The following SLC9C2 variants were observed in gnomAD, a reference collection of about 807,000 sequenced individuals.
The protein encoded by SLC9C2 is sodium/hydrogen exchanger 11.
In SLC9C2, 75 loss-of-function variants were observed where a neutral mutation model predicts 140.2. The observed-to-expected ratio is 0.53, with a 90% CI of 0.44 to 0.65. SLC9C2 has a LOEUF of 0.65. Ranked by LOEUF, SLC9C2 falls within the 30% of genes least tolerant of loss-of-function variation. The pLI is 0.00. For missense variants in SLC9C2, 1,074 were observed against 1,331.8 expected (o/e 0.81, Z 3.01); for synonymous variants, 375 against 420.9 (o/e 0.89, Z 1.34).
chr1:173,531,892 C>T (rs980142452), intron 17 of SLC9C2, among the ~76,000 whole-genome samples: 5 of 152,156 alleles, frequency 3.3e-5, no homozygotes, highest in Non-Finnish European at 7.3e-5. Flanking sequence ...AAACTCCTAC[C>T]TTCCATTTTA....
chr1:173,525,895 T>C (rs1661162926), intron 19 of SLC9C2, among the ~76,000 whole-genome samples: 1 of 152,226 alleles, frequency 6.6e-6, no homozygotes, highest in Non-Finnish European at 1.5e-5. Context: ...TCTGAGATAA[T>C]GCCAAAATAT....
intron 23 of SLC9C2, among the ~76,000 whole-genome samples, chr1:173,515,078 C>T (rs927047623): frequency 1.3e-5 from 2 of 152,088 alleles, no homozygotes; most frequent in African/African-American, 2.4e-5. Flanking sequence ...TCTGGCTGCC[C>T]TTAACATTTT....
At chr1:173,563,147 T>G (rs1367992120) in intron 9 of SLC9C2, among the ~76,000 whole-genome samples, 1 of 151,446 alleles carries the variant, frequency 6.6e-6, no homozygotes, top group African/African-American at 2.4e-5. Flanking sequence ...AACAAGTATC[T>G]GAGGAACTTT....
rs546802529 is a variant in SLC9C2 at position 173,573,420 on chromosome 1, C to T, written c.903-95G>A. 5 of 954,910 alleles carry T rather than the reference C, an allele frequency of 5.2e-6. No homozygotes were observed. The Admixed American group carries it at 1.7e-4, about 32-fold the overall frequency. The allele number at this position is 954,910 out of a possible 1,614,324, so 59.2% of individuals were successfully genotyped here. The stretch of plus-strand genomic sequence containing the variant: ...AATCATATATCTTATATCTACCATG[C>T]TGTCTTAGCAGAGGCCCTTGCCTTC... On this transcript the variant is annotated intron_variant, in intron 8 of 27. Transcript: ENST00000367714.
chr1:173,545,001 T>C (rs1662738413), intron 13 of SLC9C2, among the ~76,000 whole-genome samples: 1 of 152,014 alleles, frequency 6.6e-6, no homozygotes, highest in South Asian at 2.1e-4. Flanking sequence ...GAACTTAAAG[T>C]ATAATTTAAA....
At chr1:173,544,437 G>A (rs1379641559) in intron 13 of SLC9C2, among the ~76,000 whole-genome samples, 10 of 152,178 alleles carry the variant, frequency 6.6e-5, no homozygotes, top group African/African-American at 2.2e-4. Flanking sequence ...AACCATTGTG[G>A]AAGACAGTGT....
At chr1:173,597,764 G>T in intron 4 of SLC9C2, 140 bp downstream of exon 4, 2 of 800,390 alleles carry the variant, frequency 2.5e-6, no homozygotes, top group Non-Finnish European at 3.7e-6. Context: ...TTTTTAGTTA[G>T]TAGTTCTATA....
chr1:173,548,495 A>G lies in SLC9C2; in HGVS notation c.1355T>C (p.Ile452Thr). Residue 452 changes from isoleucine to threonine, a missense_variant, in exon 12 of 28, where the codon ATA (isoleucine) becomes ACA (threonine). Transcript: ENST00000367714. Reference protein sequence around the residue: ...QMILQNATQHIQEIVQNTITL... With the variant: ...QMILQNATQHTQEIVQNTITL... ...TATTGTGTTCTGTACTATCTCCTGT[A>G]TGTGCTGAGTGGCATTTTGCAAGAT... 6.2e-7 allele frequency: 1 copy of G among 1,613,874 alleles called. No homozygotes were observed. The highest frequency in any genetic ancestry group is 8.5e-7 in the Non-Finnish European group (1 of 1,179,804).
At chr1:173,535,569 C>G (rs1192482661) in intron 15 of SLC9C2, among the ~76,000 whole-genome samples, 1 of 152,140 alleles carries the variant, frequency 6.6e-6, no homozygotes, top group Non-Finnish European at 1.5e-5. Context: ...CCGCAACACA[C>G]TACAACCCTC....
chr1:173,534,669 G>T lies in SLC9C2; in HGVS notation c.1789C>A (p.Leu597Met), dbSNP rs1370596795. Reference protein sequence around the residue: ...HFIPPESNTFLTFIFHIVFSE... With the variant: ...HFIPPESNTFMTFIFHIVFSE... ...AATACTATGTGAAATATAAAAGTCAGAAATGTATTACTCCTGAAAAGAGAT... is the reference window on the plus strand; with the variant it reads ...AATACTATGTGAAATATAAAAGTCATAAATGTATTACTCCTGAAAAGAGAT... Residue 597 changes from leucine to methionine, a missense_variant, in exon 16 of 28, where the codon CTG (leucine) becomes ATG (methionine). Transcript: ENST00000367714. 9 of 1,509,802 alleles carry T rather than the reference G, an allele frequency of 6.0e-6. No homozygotes were observed. Among genetic ancestry groups the T allele is most frequent in the South Asian group, 2.6e-5 (2 of 77,830 alleles). The allele number at this position is 1,509,802 out of a possible 1,614,324, so 93.5% of individuals were successfully genotyped here.
intron 23 of SLC9C2, among the ~76,000 whole-genome samples, chr1:173,512,458 G>A (rs1660120684): frequency 6.6e-6 from 1 of 152,050 alleles, no homozygotes; most frequent in South Asian, 2.1e-4. Context: ...CTGCTTGTCT[G>A]TTGTTGGTGC....
chr1:173,551,994 G>C (rs943835135), intron 11 of SLC9C2, among the ~76,000 whole-genome samples: 2 of 152,164 alleles, frequency 1.3e-5, no homozygotes, highest in African/African-American at 4.8e-5. Flanking sequence ...GAAATTAAAA[G>C]TGCTACTCCA....
chr1:173,535,776 G>A, intron 15 of SLC9C2, 54 bp downstream of exon 15: 2 of 1,439,382 alleles, frequency 1.4e-6, no homozygotes, highest in Non-Finnish European at 1.8e-6. Context: ...TTATGACAAT[G>A]TAGAAATGGT....
Position 173,528,957 on chromosome 1 carries a change from C to T in SLC9C2, c.2313+948G>A, listed in dbSNP as rs141193511. 3.0e-4 allele frequency among the ~76,000 whole-genome samples: 46 copies of T among 152,162 alleles called. No individual in the cohort carries two copies. In the East Asian group the frequency reaches 8.3e-3, roughly 27 times the overall value. ...GAACCCCAAGGAAGCAGAATTAACA[C>T]AGGAAGCAAAATATCTTTTAAGATG... On this transcript the variant is annotated intron_variant, in intron 18 of 27. Transcript: ENST00000367714.
intron 17 of SLC9C2, 46 bp downstream of exon 17, chr1:173,533,563 C>A: frequency 7.0e-7 from 1 of 1,435,066 alleles, no homozygotes; most frequent in Non-Finnish European, 9.6e-7. Context: ...TAGGTGTGAG[C>A]TACCACTCCT....
At chr1:173,549,233 G>A (rs1193752967) in intron 11 of SLC9C2, among the ~76,000 whole-genome samples, 1 of 152,180 alleles carries the variant, frequency 6.6e-6, no homozygotes, top group Non-Finnish European at 1.5e-5. Context: ...AGGGTTAAAT[G>A]GCTTCTAAAC....
intron 4 of SLC9C2, among the ~76,000 whole-genome samples, chr1:173,589,096 G>T (rs948099811): frequency 1.3e-5 from 2 of 152,094 alleles, no homozygotes; most frequent in Admixed American, 1.3e-4. Context: ...AAATAAGTGC[G>T]GGAGGATTTC....
intron 13 of SLC9C2, among the ~76,000 whole-genome samples, chr1:173,542,152 T>C (rs1320035936): frequency 6.6e-6 from 1 of 151,756 alleles, no homozygotes; most frequent in Non-Finnish European, 1.5e-5. Context: ...AGCACATAGA[T>C]GCAATAAAAA....
At chr1:173,576,613 G>A (rs377108793) in intron 8 of SLC9C2, 48 bp downstream of exon 8, 1 of 1,175,090 alleles carries the variant, frequency 8.5e-7, no homozygotes, top group Non-Finnish European at 1.2e-6. Flanking sequence ...GACGCCTTAT[G>A]CACTAAACTG....
Sources: allele counts gnomAD v4.1 joint callset (sites outside exome capture counted in the v4.1 genomes callset), GRCh38; gene constraint gnomAD v4.1.1; transcripts MANE v1.5; gene names NCBI Gene and HGNC (gene_info 2026-07-23, HGNC 2026-07-21).